The following COL21A1 variants were observed in gnomAD, a reference collection of about 807,000 sequenced individuals.
The protein encoded by COL21A1 is collagen type XXI alpha 1 chain.
COL21A1 carries 149 observed loss-of-function variants against 137.9 expected under a neutral mutation model. The ratio of observed to expected loss-of-function variants is 1.08; its 90% CI spans 0.95 to 1.24. The LOEUF is 1.24. COL21A1 is among the 50% of genes most tolerant of loss of function. The probability of loss-of-function intolerance (pLI) is 0.00; values close to 1 mark genes in which losing one functional copy is unlikely to be tolerated. For missense variants in COL21A1, 1,167 were observed against 1,158.4 expected (o/e 1.01, Z -0.11); for synonymous variants, 456 against 391.5 (o/e 1.16, Z -1.95).
intron 1 of COL21A1, among the ~76,000 whole-genome samples, chr6:56,225,702 T>G: frequency 6.6e-6 from 1 of 152,066 alleles, no homozygotes; most frequent in South Asian, 2.1e-4. Context: ...GCCTTTAATT[T>G]TTTTAGTCTT....
intron 16 of COL21A1, among the ~76,000 whole-genome samples, chr6:56,118,337 A>G (rs1023269650): frequency 1.3e-5 from 2 of 152,020 alleles, no homozygotes; most frequent in African/African-American, 4.8e-5. Context: ...TATACATGAA[A>G]TGGACAAACT....
At chr6:56,098,374 AAT>A (rs1289973676) in intron 17 of COL21A1, among the ~76,000 whole-genome samples, 1 of 38,950 alleles carries the variant, frequency 2.6e-5, no homozygotes, top group East Asian at 7.1e-4. Flanking sequence ...AATATATATA[AAT>A]ATATATAAAT....
At position 56,060,185 on chromosome 6, in the gene COL21A1, A is replaced by G; in HGVS notation, c.2441T>C (p.Ile814Thr). Residue 814 changes from isoleucine (I) to threonine (T), a missense_variant, in exon 28 of 30, where the codon ATT becomes ACT. Coordinates refer to ENST00000244728, the MANE Select transcript of COL21A1 (RefSeq NM_030820.4). ...QLPVLLQSGR[I>T]RNCDHCLSQH... ...GGACAGGCAATGATCACAATTTCTA[A>G]TTCTTCCACTCTGAAGTAAGACTGG... The G allele has an allele frequency of 6.2e-7, 1 of 1,608,026 alleles. No individual in the cohort carries two copies.
At chr6:56,221,218 C>G (rs1451368038) in intron 1 of COL21A1, among the ~76,000 whole-genome samples, 3 of 152,032 alleles carry the variant, frequency 2.0e-5, no homozygotes, top group Non-Finnish European at 2.9e-5. Flanking sequence ...CAGATATGAC[C>G]AAATTTCTCT....
chr6:56,156,837 G>T, intron 10 of COL21A1, 50 bp downstream of exon 10: 5 of 1,446,572 alleles, frequency 3.5e-6, no homozygotes, highest in South Asian at 1.2e-5. Context: ...CTTTTACTTT[G>T]ACACTGTAAT....
rs760646871 is a variant in COL21A1 at position 56,179,665 on chromosome 6, T to C, written c.553A>G (p.Lys185Glu). Reference sequence around the variant, plus strand: ...TAAAACACATAAGTAGACGAAGGCTTGTTGGCAATAGCTCTAAGTTCGGCA... The same window carrying C: ...TAAAACACATAAGTAGACGAAGGCTCGTTGGCAATAGCTCTAAGTTCGGCA... ...EDAELRAIANKPSSTYVFYVE... is the reference protein window; with the variant it reads ...EDAELRAIANEPSSTYVFYVE... The change falls in exon 3 of 30, where the codon AAG becomes GAG. Residue 185 changes from lysine to glutamate, a missense_variant. Lys to Glu is a moderately conservative substitution (Grantham distance 56). Coordinates refer to ENST00000244728, the MANE Select transcript of COL21A1 (RefSeq NM_030820.4). 5 of 1,613,956 alleles carry C rather than the reference T, an allele frequency of 3.1e-6. No individual in the cohort carries two copies. The highest frequency in any genetic ancestry group is 3.3e-4 in the Middle Eastern group (2 of 6,062).
chr6:56,378,193 T>C (rs1340539205), intron 1 of COL21A1, among the ~76,000 whole-genome samples: 2 of 151,874 alleles, frequency 1.3e-5, no homozygotes, highest in Non-Finnish European at 2.9e-5. Context: ...GAAAAGCAGA[T>C]GGAAAAGAAA....
intron 10 of COL21A1, among the ~76,000 whole-genome samples, chr6:56,149,491 A>G (rs1001259380): frequency 4.6e-5 from 7 of 152,356 alleles, no homozygotes; most frequent in African/African-American, 1.4e-4. Flanking sequence ...GCAAAGGACA[A>G]GAAAAGATAC....
At chr6:56,061,426 G>C (rs1322079405) in intron 25 of COL21A1, among the ~76,000 whole-genome samples, 1 of 152,100 alleles carries the variant, frequency 6.6e-6, no homozygotes, top group Non-Finnish European at 1.5e-5. Flanking sequence ...TCAGCTCCAA[G>C]TCTGGAAGAA....
At chr6:56,232,567 A>C (rs1381710362) in intron 1 of COL21A1, among the ~76,000 whole-genome samples, 2 of 151,928 alleles carry the variant, frequency 1.3e-5, no homozygotes, top group East Asian at 3.9e-4. Flanking sequence ...ACGTTCTGTT[A>C]TAAGGACTTT....
At chr6:56,090,979 T>C (rs1383425593) in intron 17 of COL21A1, among the ~76,000 whole-genome samples, 1 of 152,132 alleles carries the variant, frequency 6.6e-6, no homozygotes, top group Admixed American at 6.6e-5. Flanking sequence ...TACCATACAA[T>C]TGCAAATCAA....
intron 14 of COL21A1, chr6:56,125,337 T>C (rs913564120): frequency 6.1e-6 from 2 of 329,376 alleles, no homozygotes; most frequent in African/African-American, 2.1e-5. Context: ...TTTTAAAAGC[T>C]CAGAATGATC....
intron 1 of COL21A1, among the ~76,000 whole-genome samples, chr6:56,323,032 G>A (rs1764911432): frequency 6.6e-6 from 1 of 152,070 alleles, no homozygotes; most frequent in South Asian, 2.1e-4. Context: ...GGGAGGATAG[G>A]AGGTGGCGGT....
At chr6:56,191,275 T>C (rs1300566558) in intron 1 of COL21A1, among the ~76,000 whole-genome samples, 1 of 152,096 alleles carries the variant, frequency 6.6e-6, no homozygotes, top group East Asian at 1.9e-4. Flanking sequence ...ACAAAATCAA[T>C]GTGCAAAAAG....
chr6:56,165,486 A>C (rs1405400352), intron 7 of COL21A1, among the ~76,000 whole-genome samples: 2 of 152,238 alleles, frequency 1.3e-5, no homozygotes, highest in Non-Finnish European at 2.9e-5. Flanking sequence ...GGTAATCATC[A>C]TATGTCAATG....
intron 1 of COL21A1, among the ~76,000 whole-genome samples, chr6:56,264,973 A>G (rs1041756570): frequency 6.6e-6 from 1 of 152,120 alleles, no homozygotes; most frequent in African/African-American, 2.4e-5. Context: ...GCCTCTCCCA[A>G]ACAATTGTGA....
At chr6:56,370,791 C>T (rs1581782931) in intron 1 of COL21A1, among the ~76,000 whole-genome samples, 1 of 152,126 alleles carries the variant, frequency 6.6e-6, no homozygotes, top group Non-Finnish European at 1.5e-5. Context: ...CAGGAACAGG[C>T]CCTGGCAGGA....
Position 56,305,851 on chromosome 6 carries a change from A to G in COL21A1, c.-39+88120T>C, listed in dbSNP as rs1231066727. Among the ~76,000 whole-genome samples, 3 of 151,568 alleles carry G rather than the reference A, an allele frequency of 2.0e-5. No individual in the cohort carries two copies. The Admixed American group carries it at 2.0e-4, about 10-fold the overall frequency. The stretch of plus-strand genomic sequence containing the variant: ...GCCTCGATGGTCTTTACAATTTGGC[A>G]TGTTTTTGCAGTGGCTGGTACTGGT... On this transcript the variant is annotated intron_variant, in intron 1 of 28. Coordinates refer to the COL21A1 transcript ENST00000370819.
intron 16 of COL21A1, among the ~76,000 whole-genome samples, chr6:56,107,606 G>A (rs537067140): frequency 1.3e-5 from 2 of 150,588 alleles, no homozygotes; most frequent in South Asian, 2.1e-4. Flanking sequence ...CAACACACAT[G>A]TTGGCAGTGT....
Sources: allele counts gnomAD v4.1 joint callset (sites outside exome capture counted in the v4.1 genomes callset), GRCh38; gene constraint gnomAD v4.1.1; transcripts MANE v1.5; gene names NCBI Gene and HGNC (gene_info 2026-07-23, HGNC 2026-07-21).